The following NRG3 variants were observed in gnomAD, a reference collection of about 807,000 sequenced individuals.
NRG3 encodes neuregulin 3.
NRG3 carries 31 observed loss-of-function variants against 66.9 expected under a neutral mutation model. That is an observed-to-expected ratio of 0.46 (90% confidence interval 0.35 to 0.63). The LOEUF (loss-of-function observed/expected upper bound fraction) is 0.63. NRG3 is among the 20% of genes least tolerant of loss of function. The pLI is 0.00. For synonymous variants in NRG3, 393 were observed against 359.4 expected, an observed-to-expected ratio of 1.09 and a Z score of -1.06; for missense variants, 910 against 878.9, an observed-to-expected ratio of 1.04 and a Z score of -0.45.
At chr10:82,028,590 T>C (rs1419560046) in intron 1 of NRG3, among the ~76,000 whole-genome samples, 1 of 152,056 alleles carries the variant, frequency 6.6e-6, no homozygotes, top group African/African-American at 2.4e-5. Context: ...TAGAAACGCT[T>C]TGGGCTTCTC....
intron 1 of NRG3, among the ~76,000 whole-genome samples, chr10:82,315,950 A>T (rs548798177): frequency 6.6e-6 from 1 of 152,120 alleles, no homozygotes; most frequent in South Asian, 2.1e-4. Context: ...CCCGGCCCAT[A>T]TATGTGATTT....
chr10:81,903,193 C>T (rs778020812), intron 1 of NRG3, among the ~76,000 whole-genome samples: 37 of 151,952 alleles, frequency 2.4e-4, no homozygotes, highest in Non-Finnish European at 4.3e-4. Flanking sequence ...ATATGGCATG[C>T]GAGGAAATGG....
At chr10:82,654,491 A>G (rs1201596751) in intron 2 of NRG3, among the ~76,000 whole-genome samples, 2 of 152,352 alleles carry the variant, frequency 1.3e-5, no homozygotes, top group East Asian at 3.9e-4. Flanking sequence ...CCAGACACAC[A>G]GAAATGCTTA....
intron 2 of NRG3, among the ~76,000 whole-genome samples, chr10:82,728,688 C>T (rs1283180757): frequency 6.6e-6 from 1 of 152,142 alleles, no homozygotes; most frequent in Non-Finnish European, 1.5e-5. Context: ...CAAGTAGAGA[C>T]AACTGAAGGA....
chr10:82,137,505 T>C (rs965997649), intron 1 of NRG3, among the ~76,000 whole-genome samples: 6 of 152,178 alleles, frequency 3.9e-5, no homozygotes, highest in African/African-American at 9.7e-5. Flanking sequence ...CATGTAGGAA[T>C]TGGTAAAGTT....
chr10:81,934,318 A>G (rs1847662873), intron 1 of NRG3, among the ~76,000 whole-genome samples: 1 of 152,228 alleles, frequency 6.6e-6, no homozygotes, highest in Admixed American at 6.5e-5. Context: ...AGGCGTAATG[A>G]ATAGTTGCAG....
In NRG3 at chr10:82,019,723, G is replaced by A. The variant is rs568119846; in HGVS notation, c.823+143560G>A. Among the ~76,000 whole-genome samples, 605 of 152,074 alleles carry A rather than the reference G, an allele frequency of 4.0e-3. 2 individuals carry two copies. Among genetic ancestry groups the A allele is most frequent in the African/African-American group, 0.013 (537 of 41,506 alleles). On this transcript the variant is annotated intron_variant, in intron 1 of 8. Transcript: ENST00000372141. ...CTTCTAGATTTTCTAGTTTATTTGC[G>A]TAGAGGTGTTTATAGTATTCTCTGA...
intron 3 of NRG3, among the ~76,000 whole-genome samples, chr10:82,749,806 AT>A (rs2058790407): frequency 6.6e-6 from 1 of 150,382 alleles, no homozygotes; most frequent in Non-Finnish European, 1.5e-5. Flanking sequence ...AAAAAAAAAG[AT>A]GGAAAATGGG....
In NRG3 at chr10:82,703,827, T is replaced by G. The variant is rs140367214; in HGVS notation, c.954-34750T>G. Reference sequence around the variant, plus strand: ...ACCTTCTTTTTGGTCCTGGTTAGGATCTGAACATCAGATTTCTGTTTAGGC... The same window carrying G: ...ACCTTCTTTTTGGTCCTGGTTAGGAGCTGAACATCAGATTTCTGTTTAGGC... On this transcript the variant is annotated intron_variant, in intron 2 of 8. Coordinates refer to ENST00000372141, the MANE Select transcript of NRG3 (RefSeq NM_001010848.4). 5.9e-5 allele frequency among the ~76,000 whole-genome samples: 9 copies of G among 152,260 alleles called. No homozygotes were observed. The East Asian group carries it at 1.7e-3, about 29-fold the overall frequency.
At chr10:82,859,502 C>T (rs373400679) in intron 3 of NRG3, among the ~76,000 whole-genome samples, 53 of 152,258 alleles carry the variant, frequency 3.5e-4, no homozygotes, top group African/African-American at 1.2e-3. Context: ...ATCAAGGCAA[C>T]GATGTTTTCG....
At chr10:82,866,493 T>C (rs906425125) in intron 4 of NRG3, among the ~76,000 whole-genome samples, 1 of 152,168 alleles carries the variant, frequency 6.6e-6, no homozygotes, top group Non-Finnish European at 1.5e-5. Flanking sequence ...GTGTTCCCAG[T>C]TGTATGGTAT....
At chr10:82,876,646 G>C (rs1038097619) in intron 4 of NRG3, among the ~76,000 whole-genome samples, 3 of 152,172 alleles carry the variant, frequency 2.0e-5, no homozygotes, top group Non-Finnish European at 4.4e-5. Flanking sequence ...ACGTGAGTTG[G>C]TAGTAGGTTC....
At chr10:82,467,995 A>G (rs1414317234) in intron 2 of NRG3, among the ~76,000 whole-genome samples, 7 of 152,184 alleles carry the variant, frequency 4.6e-5, no homozygotes, top group Admixed American at 3.3e-4. Flanking sequence ...GGAAATGGAA[A>G]ACATTTGCCC....
At chr10:82,557,262 T>A (rs2044712064) in intron 2 of NRG3, among the ~76,000 whole-genome samples, 1 of 152,226 alleles carries the variant, frequency 6.6e-6, no homozygotes, top group African/African-American at 2.4e-5. Flanking sequence ...ATCAACAGTG[T>A]ATAAGTGTTC....
chr10:81,879,889 C>T (rs1842026343), intron 1 of NRG3, among the ~76,000 whole-genome samples: 2 of 152,126 alleles, frequency 1.3e-5, no homozygotes, highest in South Asian at 4.1e-4. Context: ...TACTTCTGTA[C>T]ATTGTATTCT....
chr10:81,938,345 C>T (rs1848080898), intron 1 of NRG3, among the ~76,000 whole-genome samples: 1 of 150,236 alleles, frequency 6.7e-6, no homozygotes. Flanking sequence ...TTAAGTCTTA[C>T]AATCCATGGC....
intron 4 of NRG3, among the ~76,000 whole-genome samples, chr10:82,869,324 C>T (rs1337421290): frequency 6.6e-6 from 1 of 152,098 alleles, no homozygotes; most frequent in African/African-American, 2.4e-5. Flanking sequence ...TGAAGATCTC[C>T]TACAATAGAG....
chr10:82,514,391 AT>A (rs1447532668), intron 2 of NRG3, among the ~76,000 whole-genome samples: 1 of 152,054 alleles, frequency 6.6e-6, no homozygotes, highest in African/African-American at 2.4e-5. Context: ...TCCAGTTTCA[AT>A]TTTCTGCATG....
chr10:82,488,572 C>A (rs1341930915), intron 2 of NRG3, among the ~76,000 whole-genome samples: 1 of 152,194 alleles, frequency 6.6e-6, no homozygotes, highest in Non-Finnish European at 1.5e-5. Context: ...TGAATAACTA[C>A]AATCTCCACT....
Sources: allele counts gnomAD v4.1 joint callset (sites outside exome capture counted in the v4.1 genomes callset), GRCh38; gene constraint gnomAD v4.1.1; transcripts MANE v1.5; gene names NCBI Gene and HGNC (gene_info 2026-07-23, HGNC 2026-07-21).